The following AKAP13 variants were observed in gnomAD, a reference collection of about 807,000 sequenced individuals.
AKAP13 encodes the protein A-kinase anchoring protein 13.
AKAP13 carries 80 observed loss-of-function variants against 264.5 expected under a neutral mutation model. The ratio of observed to expected loss-of-function variants is 0.30; its 90% confidence interval spans 0.25 to 0.36. AKAP13 has a LOEUF of 0.36. Among genes scored for constraint, AKAP13 ranks in the 10% least tolerant of loss-of-function variants. AKAP13 has a pLI of 1.00. For synonymous variants in AKAP13, 1,380 were observed against 1,250.2 expected (o/e 1.10, Z -2.19); for missense variants, 3,712 against 3,435.2 (o/e 1.08, Z -2.01).
At chr15:85,562,639 G>T (rs1187150950) in intron 5 of AKAP13, among the ~76,000 whole-genome samples, 2 of 137,276 alleles carry the variant, frequency 1.5e-5, no homozygotes, top group East Asian at 2.1e-4. Context: ...TTGAGCCTCT[G>T]TAAGAAAACT....
chr15:85,525,590 G>A (rs1329855881), intron 3 of AKAP13, among the ~76,000 whole-genome samples: 1 of 152,202 alleles, frequency 6.6e-6, no homozygotes, highest in African/African-American at 2.4e-5. Context: ...GCTTGAGATG[G>A]AAGTATACTT....
intron 8 of AKAP13, among the ~76,000 whole-genome samples, chr15:85,631,013 C>G (rs1198531530): frequency 6.7e-6 from 1 of 150,312 alleles, no homozygotes; most frequent in African/African-American, 2.4e-5. Flanking sequence ...AAAAAAAAAA[C>G]AACCACCCAG....
At chr15:85,397,609 A>G (rs1420040689) in intron 1 of AKAP13, among the ~76,000 whole-genome samples, 4 of 152,230 alleles carry the variant, frequency 2.6e-5, no homozygotes, top group African/African-American at 9.6e-5. Context: ...GTAGCTATTC[A>G]TCTAAGTGTC....
At chr15:85,545,962 T>C (rs2077721433) in intron 5 of AKAP13, among the ~76,000 whole-genome samples, 1 of 152,194 alleles carries the variant, frequency 6.6e-6, no homozygotes, top group African/African-American at 2.4e-5. Context: ...TCCAGAACTT[T>C]GTCATCACCC....
intron 2 of AKAP13, among the ~76,000 whole-genome samples, chr15:85,498,197 G>GATATATATATATAT (rs1491342478): frequency 0.025 from 754 of 29,890 alleles, 17 homozygotes; most frequent in Admixed American, 0.038. Context: ...TAAATGAAGT[G>GATATATATATATAT]AGATATATAT....
At chr15:85,716,308 C>T (rs17575933) in intron 20 of AKAP13, among the ~76,000 whole-genome samples, 48,609 of 152,022 alleles carry the variant, frequency 0.32, 8,201 homozygotes, top group Middle Eastern at 0.49. Context: ...TTCAAGTAAA[C>T]CTGGTTGTTT....
intron 1 of AKAP13, among the ~76,000 whole-genome samples, chr15:85,425,306 C>G (rs1212083251): frequency 1.3e-5 from 2 of 152,020 alleles, no homozygotes; most frequent in Non-Finnish European, 2.9e-5. Flanking sequence ...GTATAAAAAG[C>G]CTGGTTTTAA....
chr15:85,590,892 T>G (rs2151330154), intron 8 of AKAP13, among the ~76,000 whole-genome samples: 1 of 152,314 alleles, frequency 6.6e-6, no homozygotes, highest in Non-Finnish European at 1.5e-5. Flanking sequence ...AAGTACAGCT[T>G]AGTATTATTA....
At chr15:85,671,282 A>ATGACTCTAGCCAGACATGC (rs2083910947) in intron 14 of AKAP13, among the ~76,000 whole-genome samples, 3 of 152,004 alleles carry the variant, frequency 2.0e-5, no homozygotes, top group Admixed American at 2.0e-4. Context: ...GACATAATGG[A>ATGACTCTAGCCAGACATGC]TGACTCTAGC....
At chr15:85,482,132 C>T (rs922439294) in intron 1 of AKAP13, among the ~76,000 whole-genome samples, 9 of 152,124 alleles carry the variant, frequency 5.9e-5, no homozygotes, top group African/African-American at 2.2e-4. Context: ...TTATATGCAG[C>T]GAGGTTTTGC....
chr15:85,543,616 T>A (rs2077640533), intron 4 of AKAP13, among the ~76,000 whole-genome samples, 156 bp from the exon 5 acceptor site: 1 of 152,230 alleles, frequency 6.6e-6, no homozygotes, highest in Non-Finnish European at 1.5e-5. Flanking sequence ...TGATTCTACC[T>A]GGCCACAATA....
Position 85,715,912 on chromosome 15 carries a change from G to T in AKAP13, c.5724G>T (p.Gln1908His), listed in dbSNP as rs1368388385. ...CGCTCTCCAAAAGTGTCTCCATACA[G>T]AACATTACTGGGTAAGTGGAGATAT... ...SVSLSKSVSI[Q>H]NITGVGNDEN... Residue 1908 changes from glutamine to histidine, a missense_variant, in exon 20 of 37, where the codon CAG becomes CAT. Physicochemically the swap from Gln to His is conservative, Grantham distance 24. Around this residue, in one of 3 missense-constraint regions of AKAP13, gnomAD observed 2,759 missense variants for 2,411.7 expected, o/e 1.14. Transcript: ENST00000394518. The T allele has an allele frequency of 1.2e-6, 2 of 1,611,262 alleles. No homozygotes were observed. Among genetic ancestry groups the T allele is most frequent in the African/African-American group, 2.7e-5 (2 of 74,454 alleles).
At chr15:85,550,795 G>GT (rs369918138) in intron 5 of AKAP13, among the ~76,000 whole-genome samples, 67 of 152,296 alleles carry the variant, frequency 4.4e-4, no homozygotes, top group African/African-American at 1.6e-3. Context: ...CCATCCCTTT[G>GT]TATCTGACTT....
intron 8 of AKAP13, among the ~76,000 whole-genome samples, chr15:85,610,808 G>A (rs1156971246): frequency 4.6e-5 from 7 of 152,020 alleles, no homozygotes; most frequent in African/African-American, 1.2e-4. Flanking sequence ...AAACTCCCCC[G>A]TCTCTACTAA....
chr15:85,687,132 C>T (rs2084980302), intron 16 of AKAP13, among the ~76,000 whole-genome samples: 1 of 152,010 alleles, frequency 6.6e-6, no homozygotes, highest in South Asian at 2.1e-4. Context: ...GAAACTGGAC[C>T]CTGACCTTTA....
intron 1 of AKAP13, among the ~76,000 whole-genome samples, chr15:85,391,142 A>G (rs1024096765): frequency 3.3e-5 from 5 of 152,356 alleles, no homozygotes; most frequent in South Asian, 2.1e-4. Context: ...TATAGTAACT[A>G]AAGGAAGGCT....
intron 1 of AKAP13, among the ~76,000 whole-genome samples, chr15:85,406,622 A>G (rs1389052275): frequency 6.6e-6 from 1 of 151,386 alleles, no homozygotes; most frequent in Non-Finnish European, 1.5e-5. Context: ...GGTACTATAT[A>G]CAGCAGTTAC....
intron 8 of AKAP13, among the ~76,000 whole-genome samples, chr15:85,615,488 G>C (rs2080896750): frequency 1.3e-5 from 2 of 152,188 alleles, no homozygotes; most frequent in Non-Finnish European, 2.9e-5. Context: ...ATATTCATTT[G>C]TCTTATTTGA....
At chr15:85,452,689 G>T (rs976878061) in intron 1 of AKAP13, among the ~76,000 whole-genome samples, 21 of 152,124 alleles carry the variant, frequency 1.4e-4, no homozygotes, top group African/African-American at 5.1e-4. Context: ...GTGGCTCTTA[G>T]GCTTATTGGA....
Sources: allele counts gnomAD v4.1 joint callset (sites outside exome capture counted in the v4.1 genomes callset), GRCh38; gene constraint gnomAD v4.1.1; regional missense constraint gnomAD v4.1.1; transcripts MANE v1.5; gene names NCBI Gene and HGNC (gene_info 2026-07-23, HGNC 2026-07-21).